Variants in ZBTB2 observed in about 807,000 individuals in gnomAD.
ZBTB2 encodes zinc finger and BTB domain-containing protein 2.
ZBTB2 carries 2 observed loss-of-function variants against 39.5 expected under a neutral mutation model. That is an observed-to-expected ratio of 0.05 (90% CI 0.02 to 0.16). ZBTB2 has a LOEUF of 0.16. Among genes scored for constraint, ZBTB2 ranks in the 10% least tolerant of loss-of-function variants. ZBTB2 has a pLI of 1.00. For synonymous variants in ZBTB2, 251 were observed against 256.6 expected, an observed-to-expected ratio of 0.98 and a Z score of 0.21; for missense variants, 391 against 653.0, an observed-to-expected ratio of 0.60 and a Z score of 4.37.
rs1778606480 is a variant in ZBTB2, at chr6:151,364,707, T to G, written c.*814A>C. 6.6e-6 allele frequency: 1 copy of G among 152,224 alleles called. No homozygotes were observed. The highest frequency in any genetic ancestry group is 6.5e-5 in the Admixed American group (1 of 15,274). The allele number at this position is 152,224 out of a possible 1,614,324, so 9.4% of individuals were successfully genotyped here. A position where few individuals can be genotyped will look rare whatever the true frequency, so the allele number is the denominator to read the frequency against. On this transcript the variant is annotated 3_prime_UTR_variant, in exon 3 of 3. Coordinates refer to ENST00000325144, the MANE Select transcript of ZBTB2 (RefSeq NM_020861.3). ...TGTCATGTTCTATTCAGAAAGGCAA[T>G]TTATAGAATAGTACATTCAAATTTG...
chr6:151,389,418 T>C (rs189828227), intron 1 of ZBTB2, among the ~76,000 whole-genome samples: 1 of 152,286 alleles, frequency 6.6e-6, no homozygotes, highest in East Asian at 1.9e-4. Context: ...AATGGCACAG[T>C]CCCAATTCTC....
intron 1 of ZBTB2, among the ~76,000 whole-genome samples, chr6:151,374,947 A>AAC: frequency 6.6e-6 from 1 of 150,460 alleles, no homozygotes; most frequent in South Asian, 2.1e-4. Context: ...AAAAAAAAAA[A>AAC]AAAAAAACAA....
chr6:151,385,773 T>C (rs1779137151), intron 1 of ZBTB2, among the ~76,000 whole-genome samples: 1 of 152,220 alleles, frequency 6.6e-6, no homozygotes, highest in African/African-American at 2.4e-5. Flanking sequence ...AGCTGATTTT[T>C]CAATTACTAT....
chr6:151,374,170 A>T (rs1778851321), intron 1 of ZBTB2, among the ~76,000 whole-genome samples: 1 of 152,214 alleles, frequency 6.6e-6, no homozygotes, highest in South Asian at 2.1e-4. Context: ...CCAGCAGGGC[A>T]GGGTGAGAAT....
At chr6:151,368,886 C>T (rs1271690500) in intron 2 of ZBTB2, among the ~76,000 whole-genome samples, 2 of 147,232 alleles carry the variant, frequency 1.4e-5, no homozygotes, top group African/African-American at 5.3e-5. Flanking sequence ...GCTTCGCCTC[C>T]CAAGTTGGGA....
rs1778664623 is a variant in ZBTB2 at position 151,366,912 on chromosome 6, AAAT to A, written c.174-23_174-21del. 6.3e-7 allele frequency: 1 copy of A among 1,580,734 alleles called. No individual in the cohort carries two copies. The highest frequency in any genetic ancestry group is 8.6e-7 in the Non-Finnish European group (1 of 1,162,716). The stretch of plus-strand genomic sequence containing the variant: ...CACTCACTGAAAGAAACAAGTAAAA[AAAT>A]ACGTGAGTAAATGCCAGTCTAGGTG... On this transcript the variant is annotated intron_variant, in intron 2 of 2. Transcript: ENST00000325144. This position sits in a 1 kb window ranked among gnomAD's most constrained non-coding sequence, Gnocchi z 7.1.
At chr6:151,377,919 C>T (rs1778953221) in intron 1 of ZBTB2, 2 of 152,004 alleles carry the variant, frequency 1.3e-5, no homozygotes, top group Admixed American at 6.6e-5. Context: ...TAAGAATGCA[C>T]TGTAGATAAT....
chr6:151,373,361 T>G, intron 2 of ZBTB2, 104 bp downstream of exon 2: 1 of 1,302,294 alleles, frequency 7.7e-7, no homozygotes, highest in Non-Finnish European at 1.1e-6. Context: ...GCAGGTCACC[T>G]AGGAGCTAGG....
rs1778599777 is a variant in ZBTB2, at chr6:151,364,452, A to G, written c.*1069T>C. On this transcript the variant is annotated 3_prime_UTR_variant, in exon 3 of 3. Coordinates refer to ENST00000325144, the MANE Select transcript of ZBTB2 (RefSeq NM_020861.3). Reference sequence around the variant, plus strand: ...ATCAAAATCAAGTTTTTTCCCAAACAGCAATTAGATTTTTTGTCCTGATTT... The same window carrying G: ...ATCAAAATCAAGTTTTTTCCCAAACGGCAATTAGATTTTTTGTCCTGATTT... 6.6e-6 allele frequency: 1 copy of G among 152,618 alleles called. No individual in the cohort carries two copies. The allele number at this position is 152,618 out of a possible 1,614,324, so 9.5% of individuals were successfully genotyped here. A position where few individuals can be genotyped will look rare whatever the true frequency, so the allele number is the denominator to read the frequency against.
intron 1 of ZBTB2, among the ~76,000 whole-genome samples, chr6:151,388,221 A>T (rs1050943377): frequency 1.3e-5 from 2 of 152,218 alleles, no homozygotes; most frequent in Admixed American, 6.5e-5. Context: ...AATTACCAGC[A>T]AACCAGTTCT....
intron 1 of ZBTB2, among the ~76,000 whole-genome samples, chr6:151,383,740 C>T (rs1349804177): frequency 2.0e-5 from 3 of 152,084 alleles, no homozygotes; most frequent in Admixed American, 6.5e-5. Flanking sequence ...GAGGAACTGA[C>T]CATGAGACAG....
At position 151,366,208 on chromosome 6, in the gene ZBTB2, C is replaced by G; in HGVS notation, c.858G>C (p.Gln286His). 6.2e-7 allele frequency: 1 copy of G among 1,614,118 alleles called. No individual in the cohort carries two copies. Among genetic ancestry groups the G allele is most frequent in the Non-Finnish European group, 8.5e-7 (1 of 1,180,024 alleles). The change falls in exon 3 of 3, where the codon CAG becomes CAC. Residue 286 changes from glutamine (Q) to histidine (H), a missense_variant. By Grantham distance (24) the Gln-to-His change is conservative (BLOSUM62 0). Around this residue, in one of 7 missense-constraint regions of ZBTB2, gnomAD observed 80 missense variants for 125.2 expected, o/e 0.64. Coordinates refer to ENST00000325144, the MANE Select transcript of ZBTB2 (RefSeq NM_020861.3). This position sits in a 1 kb window ranked among gnomAD's most constrained non-coding sequence, Gnocchi z 7.1. ...GAGTCAGGGGGACGCGACTTTCTCCCTGTTGGCTAGATGTGAAAGGTACTC... is the reference window on the plus strand; with the variant it reads ...GAGTCAGGGGGACGCGACTTTCTCCGTGTTGGCTAGATGTGAAAGGTACTC... ...HTGVPFTSSQ[Q>H]GESRVPLTLC...
Position 151,366,817 on chromosome 6 carries a change from C to A in ZBTB2, c.249G>T (p.Gly83=), listed in dbSNP as rs201248907. ...FSYLLHLMYT[G]KMAPQLIDPV... ...GGTCGATGAGCTGAGGCGCCATCTTCCCAGTGTACATCAAGTGTAAGAGAT... is the reference window on the plus strand; with the variant it reads ...GGTCGATGAGCTGAGGCGCCATCTTACCAGTGTACATCAAGTGTAAGAGAT... The change falls in exon 3 of 3, where the codon GGG becomes GGT. Residue 83 remains glycine (G), a synonymous_variant. Transcript: ENST00000325144. This position sits in a 1 kb window ranked among gnomAD's most constrained non-coding sequence, Gnocchi z 7.1. 2 of 1,613,980 alleles carry A rather than the reference C, an allele frequency of 1.2e-6. No individual in the cohort carries two copies. The highest frequency in any genetic ancestry group is 1.7e-6 in the Non-Finnish European group (2 of 1,180,030).
intron 1 of ZBTB2, among the ~76,000 whole-genome samples, chr6:151,377,703 C>CT (rs924517949): frequency 6.6e-6 from 1 of 151,858 alleles, no homozygotes; most frequent in Non-Finnish European, 1.5e-5. Flanking sequence ...CCATGCCCAG[C>CT]TTATTTTTTA....
At chr6:151,387,963 T>G (rs796857850) in intron 1 of ZBTB2, among the ~76,000 whole-genome samples, 3 of 152,352 alleles carry the variant, frequency 2.0e-5, no homozygotes, top group African/African-American at 7.2e-5. Context: ...CGAAGTAATA[T>G]TTTAATTATT....
At chr6:151,367,031 G>T in intron 2 of ZBTB2, 139 bp from the exon 3 acceptor site, 1 of 893,168 alleles carries the variant, frequency 1.1e-6, no homozygotes. Context: ...TCATGAAAAT[G>T]GGATGAAATA....
intron 2 of ZBTB2, 110 bp downstream of exon 2, chr6:151,373,355 G>A (rs1381193787): frequency 1.6e-6 from 2 of 1,230,718 alleles, no homozygotes; most frequent in Non-Finnish European, 2.3e-6. Context: ...AAGGGAGCAG[G>A]TCACCTAGGA....
chr6:151,365,422 G>GT lies in ZBTB2; in HGVS notation c.*98dup, dbSNP rs1319786162. On this transcript the variant is annotated 3_prime_UTR_variant, in exon 3 of 3. Coordinates refer to ENST00000325144, the MANE Select transcript of ZBTB2 (RefSeq NM_020861.3). The surrounding 1 kb of genome is among the most constrained non-coding windows in gnomAD (Gnocchi z 5.6). ...GAAGAGGAGAAGAGAACAAGGACCT[G>GT]TTTGTATCATGCCATGGAGAACTAC... 7.2e-7 allele frequency: 1 copy of GT among 1,385,446 alleles called. No homozygotes were observed. The highest frequency in any genetic ancestry group is 9.8e-7 in the Non-Finnish European group (1 of 1,016,544). 85.8% of individuals were successfully genotyped at this position (1,385,446 alleles called of 1,614,324 possible). A position where few individuals can be genotyped will look rare whatever the true frequency, so the allele number is the denominator to read the frequency against.
intron 1 of ZBTB2, among the ~76,000 whole-genome samples, chr6:151,377,688 C>T (rs968965348): frequency 1.3e-5 from 2 of 151,802 alleles, no homozygotes; most frequent in Non-Finnish European, 2.9e-5. Context: ...TACAAGCGCC[C>T]ACCACCATGC....
Sources: gnomAD v4.1 joint callset for allele counts (sites outside exome capture counted in the v4.1 genomes callset) on GRCh38, gnomAD v4.1.1 for gene constraint, gnomAD v4.1.1 regional missense constraint, Gnocchi (gnomAD v3.1) non-coding constraint, MANE v1.5 for transcripts, NCBI Gene and HGNC (gene_info 2026-07-23, HGNC 2026-07-21) for gene names.